Variants in SENP5 observed in about 807,000 individuals in gnomAD.
SENP5 encodes SUMO specific peptidase 5.
Under a neutral mutation model 74.2 loss-of-function variants are expected in SENP5, and 21 were observed. The observed-to-expected ratio is 0.28, with a 90% confidence interval of 0.20 to 0.41. SENP5 has a LOEUF of 0.41. Ranked by LOEUF, SENP5 falls within the 10% of genes least tolerant of loss-of-function variation. The pLI is 1.00. For synonymous variants in SENP5, 311 were observed against 312.7 expected (o/e 0.99, Z 0.06); for missense variants, 717 against 889.1 (o/e 0.81, Z 2.46).
intron 6 of SENP5, chr3:196,914,586 A>AAAAAAATATATATATAT: frequency 5.4e-4 from 18 of 33,498 alleles, no homozygotes; most frequent in Middle Eastern, 0.018. Context: ...AAAAAAAAAA[A>AAAAAAATATATATATAT]ATATATATAT....
chr3:196,873,024 T>TTGCTTTAG (rs2108803009), intron 1 of SENP5, among the ~76,000 whole-genome samples: 1 of 151,958 alleles, frequency 6.6e-6, no homozygotes, highest in South Asian at 2.1e-4. Context: ...TGTTTTGAGG[T>TTGCTTTAG]ATTGTTCTTT....
chr3:196,913,174 C>T (rs768642505), intron 6 of SENP5: 3 of 151,936 alleles, frequency 2.0e-5, no homozygotes, highest in Non-Finnish European at 4.4e-5. Context: ...AAGACATATA[C>T]AAAAATTACA....
intron 1 of SENP5, among the ~76,000 whole-genome samples, chr3:196,884,637 C>G (rs1392079095): frequency 1.3e-5 from 2 of 150,910 alleles, no homozygotes; most frequent in Non-Finnish European, 2.9e-5. Context: ...GTTCCCTCTC[C>G]AAATCACACT....
chr3:196,875,530 G>T (rs1338876497), intron 1 of SENP5, among the ~76,000 whole-genome samples: 2 of 151,952 alleles, frequency 1.3e-5, no homozygotes, highest in East Asian at 3.9e-4. Flanking sequence ...CCCCTTCCGT[G>T]CCTCTAAGTG....
At chr3:196,871,500 A>G (rs1713213662) in intron 1 of SENP5, among the ~76,000 whole-genome samples, 1 of 152,182 alleles carries the variant, frequency 6.6e-6, no homozygotes, top group African/African-American at 2.4e-5. Context: ...CTCTTGAGGC[A>G]GTCTTCTGAC....
At chr3:196,875,558 AT>A (rs1577791056) in intron 1 of SENP5, among the ~76,000 whole-genome samples, 1 of 151,968 alleles carries the variant, frequency 6.6e-6, no homozygotes, top group African/African-American at 2.4e-5. Context: ...AGTTCTTTCC[AT>A]TCCTTGAAAT....
intron 2 of SENP5, among the ~76,000 whole-genome samples, chr3:196,887,302 C>G (rs991499483): frequency 3.3e-5 from 5 of 152,090 alleles, no homozygotes; most frequent in Non-Finnish European, 1.5e-5. Context: ...GTCTCAACCC[C>G]CCGAGTAGTT....
intron 2 of SENP5, among the ~76,000 whole-genome samples, chr3:196,898,136 C>T (rs1448705537): frequency 2.0e-5 from 3 of 149,400 alleles, no homozygotes; most frequent in Non-Finnish European, 3.0e-5. Context: ...CGAAATCGCA[C>T]CATTGCACTC....
intron 1 of SENP5, among the ~76,000 whole-genome samples, chr3:196,878,111 A>G (rs1255218085): frequency 2.0e-5 from 3 of 152,252 alleles, no homozygotes; most frequent in African/African-American, 4.8e-5. Flanking sequence ...AGAAAAGACT[A>G]ATGGCAACTA....
At chr3:196,926,043 A>C (rs1376884805) in intron 7 of SENP5, among the ~76,000 whole-genome samples, 2 of 152,180 alleles carry the variant, frequency 1.3e-5, no homozygotes, top group Non-Finnish European at 2.9e-5. Context: ...CACCACATAA[A>C]TGTGTAGATT....
At chr3:196,913,203 A>G (rs1394456010) in intron 6 of SENP5, 3 of 152,216 alleles carry the variant, frequency 2.0e-5, no homozygotes, top group African/African-American at 7.2e-5. Flanking sequence ...AATTGATTTA[A>G]TAGATGTTTA....
chr3:196,924,788 G>A (rs1054363713), intron 7 of SENP5, among the ~76,000 whole-genome samples: 2 of 152,172 alleles, frequency 1.3e-5, no homozygotes, highest in Admixed American at 1.3e-4. Context: ...AGGCATGTGC[G>A]AGGATGTTCA....
intron 1 of SENP5, among the ~76,000 whole-genome samples, chr3:196,872,192 C>G (rs1713245558): frequency 6.6e-6 from 1 of 152,112 alleles, no homozygotes; most frequent in Non-Finnish European, 1.5e-5. Flanking sequence ...AGAGTGTAAA[C>G]CTTCTATTTC....
At chr3:196,898,858 A>G (rs1021897852) in intron 2 of SENP5, among the ~76,000 whole-genome samples, 14 of 152,256 alleles carry the variant, frequency 9.2e-5, no homozygotes, top group African/African-American at 2.6e-4. Flanking sequence ...ATTCCATTCA[A>G]TTCCGTTCAA....
chr3:196,874,148 TAA>T (rs1200307574), intron 1 of SENP5, among the ~76,000 whole-genome samples: 5 of 136,718 alleles, frequency 3.7e-5, no homozygotes, highest in Admixed American at 1.5e-4. Flanking sequence ...CTTTTTTTTT[TAA>T]AAAAAAAAAA....
In SENP5 at chr3:196,927,896, A is replaced by G. The variant is rs1715876493; in HGVS notation, c.2106+17A>G. 6.6e-7 allele frequency: 1 copy of G among 1,522,252 alleles called. No homozygotes were observed. The allele number at this position is 1,522,252 out of a possible 1,614,324, so 94.3% of individuals were successfully genotyped here. On this transcript the variant is annotated intron_variant, in intron 8 of 9. Coordinates refer to ENST00000323460, the MANE Select transcript of SENP5 (RefSeq NM_152699.5). ...GTTACGAAGGTAAGTATGTGATAACAATGAAACCCAGGCATGTCCAGGGGA... is the reference window on the plus strand; with the variant it reads ...GTTACGAAGGTAAGTATGTGATAACGATGAAACCCAGGCATGTCCAGGGGA...
chr3:196,886,758 C>T, intron 2 of SENP5, 64 bp downstream of exon 2: 3 of 1,321,144 alleles, frequency 2.3e-6, no homozygotes, highest in South Asian at 1.6e-5. Flanking sequence ...ATTATCCTTG[C>T]TAATAAGAGT....
At chr3:196,929,000 G>A (rs1031613799) in intron 8 of SENP5, among the ~76,000 whole-genome samples, 1 of 152,096 alleles carries the variant, frequency 6.6e-6, no homozygotes, top group Non-Finnish European at 1.5e-5. Context: ...GACCAGCCTG[G>A]GCAACATGGT....
intron 6 of SENP5, among the ~76,000 whole-genome samples, chr3:196,908,856 T>G (rs1159674899): frequency 6.6e-6 from 1 of 151,452 alleles, no homozygotes; most frequent in Non-Finnish European, 1.5e-5. Context: ...AACAAGGAAA[T>G]AGAGAAGCAA....
Sources: gnomAD v4.1 joint callset for allele counts (sites outside exome capture counted in the v4.1 genomes callset) on GRCh38, gnomAD v4.1.1 for gene constraint, MANE v1.5 for transcripts, NCBI Gene and HGNC (gene_info 2026-07-23, HGNC 2026-07-21) for gene names.